Variants in FRMD6 observed in about 807,000 individuals in gnomAD.
FRMD6 encodes the protein FERM domain-containing protein 6.
In FRMD6, 37 loss-of-function variants were observed where a neutral mutation model predicts 73.2. The observed-to-expected ratio is 0.51, with a 90% CI of 0.39 to 0.66. FRMD6 has a LOEUF of 0.66. FRMD6 is among the 30% of genes least tolerant of loss of function. The pLI is 0.00. For missense variants in FRMD6, 714 were observed against 780.5 expected, an observed-to-expected ratio of 0.91 and a Z score of 1.02; for synonymous variants, 273 against 282.2, an observed-to-expected ratio of 0.97 and a Z score of 0.33.
intron 11 of FRMD6, among the ~76,000 whole-genome samples, chr14:51,721,441 C>A (rs1439925289): frequency 6.6e-6 from 1 of 152,136 alleles, no homozygotes; most frequent in Non-Finnish European, 1.5e-5. Context: ...GAAACCTCAT[C>A]TCTGCTAAAA....
At position 51,730,640 on chromosome 14, in the gene FRMD6, AAAG is replaced by A. The variant is rs1487660051; in HGVS notation, c.*2614_*2616del. On this transcript the variant is annotated 3_prime_UTR_variant, in exon 14 of 14. Transcript: ENST00000344768. ...TCAAGATGATACCAAAAGTATGTAA[AAAG>A]AAACCTGCATTATTTTGTAATTATT... 1 of 152,450 alleles carries A rather than the reference AAAG, an allele frequency of 6.6e-6. No homozygotes were observed. The highest frequency in any genetic ancestry group is 1.5e-5 in the Non-Finnish European group (1 of 68,032). 9.4% of individuals were successfully genotyped at this position (152,450 alleles called of 1,614,324 possible).
At chr14:51,721,753 A>AGGAAGGAGGGAAG (rs1555340786) in intron 11 of FRMD6, among the ~76,000 whole-genome samples, 196 bp from the exon 12 acceptor site, 4 of 108,788 alleles carry the variant, frequency 3.7e-5, no homozygotes, top group East Asian at 2.5e-4. Context: ...GAAGGGAGGA[A>AGGAAGGAGGGAAG]GGAAGGAGGG....
At chr14:51,489,936 A>G (rs1882899056) in intron 1 of FRMD6, among the ~76,000 whole-genome samples, 1 of 152,236 alleles carries the variant, frequency 6.6e-6, no homozygotes, top group Non-Finnish European at 1.5e-5. Context: ...AGTCTGGGAA[A>G]CATTAAGTAG....
At chr14:51,636,131 T>C (rs1040070373) in intron 2 of FRMD6, among the ~76,000 whole-genome samples, 4 of 152,096 alleles carry the variant, frequency 2.6e-5, no homozygotes, top group African/African-American at 9.7e-5. Flanking sequence ...CCTCAGGTGG[T>C]GGTGAGACAA....
chr14:51,655,486 AC>A (rs1192795782), intron 1 of FRMD6, among the ~76,000 whole-genome samples: 1 of 152,092 alleles, frequency 6.6e-6, no homozygotes, highest in African/African-American at 2.4e-5. Context: ...CTGTGGTTAA[AC>A]TTTTATACAG....
chr14:51,485,217 G>T (rs1035860310), upstream of FRMD6, among the ~76,000 whole-genome samples: 5 of 152,104 alleles, frequency 3.3e-5, no homozygotes, highest in Non-Finnish European at 5.9e-5. Flanking sequence ...TGCCTCCACG[G>T]CCTTTGCTCT....
chr14:51,649,910 C>A (rs911512474), upstream of FRMD6: 2 of 152,174 alleles, frequency 1.3e-5, no homozygotes, highest in African/African-American at 4.8e-5. Flanking sequence ...AGGCATGGGC[C>A]ACCATGCCCG....
chr14:51,707,075 T>G (rs1233582866), intron 6 of FRMD6, among the ~76,000 whole-genome samples: 2 of 152,110 alleles, frequency 1.3e-5, no homozygotes, highest in African/African-American at 4.8e-5. Flanking sequence ...GCCATCTGCT[T>G]TAGTGCCCTT....
chr14:51,502,457 TC>T (rs1332076838), intron 1 of FRMD6, among the ~76,000 whole-genome samples: 5 of 152,222 alleles, frequency 3.3e-5, no homozygotes, highest in Admixed American at 3.3e-4. Flanking sequence ...AAATAGGGAG[TC>T]TTTTCCCCAT....
chr14:51,427,914 A>G, the FRMD6 span, among the ~76,000 whole-genome samples: 1 of 152,234 alleles, frequency 6.6e-6, no homozygotes, highest in African/African-American at 2.4e-5. Context: ...CAAACAACGG[A>G]TGTACAATAC....
intron 2 of FRMD6, among the ~76,000 whole-genome samples, chr14:51,696,761 A>G (rs972549139): frequency 2.3e-4 from 35 of 150,026 alleles, no homozygotes; most frequent in African/African-American, 8.2e-4. Context: ...CAAAAAAAAA[A>G]AAAAGTCGAT....
chr14:51,659,881 T>C (rs976281221), intron 1 of FRMD6, among the ~76,000 whole-genome samples: 2 of 152,210 alleles, frequency 1.3e-5, no homozygotes, highest in South Asian at 2.1e-4. Flanking sequence ...TTTTCTGTTA[T>C]GAGGGCCAGA....
intron 2 of FRMD6, among the ~76,000 whole-genome samples, chr14:51,620,610 C>T (rs996963824): frequency 2.0e-5 from 3 of 152,190 alleles, no homozygotes; most frequent in African/African-American, 7.2e-5. Flanking sequence ...AAACCATCAT[C>T]TCTTGACCCC....
At chr14:51,642,537 C>T (rs1891861332) in intron 2 of FRMD6, among the ~76,000 whole-genome samples, 1 of 152,088 alleles carries the variant, frequency 6.6e-6, no homozygotes, top group Admixed American at 6.6e-5. Flanking sequence ...ACTCCATCTC[C>T]TAAGTAAATA....
At chr14:51,608,045 C>T (rs1441014741) in intron 2 of FRMD6, among the ~76,000 whole-genome samples, 2 of 113,772 alleles carry the variant, frequency 1.8e-5, no homozygotes, top group African/African-American at 5.6e-5. Flanking sequence ...CAGAAGAAAA[C>T]CATTATTCCC....
chr14:51,464,111 A>G, the FRMD6 span, among the ~76,000 whole-genome samples: 1 of 152,248 alleles, frequency 6.6e-6, no homozygotes, highest in African/African-American at 2.4e-5. Flanking sequence ...CACTGGTCTG[A>G]GGTTTTAAAG....
chr14:51,413,916 T>C, the FRMD6 span, among the ~76,000 whole-genome samples: 1 of 152,376 alleles, frequency 6.6e-6, no homozygotes, highest in Middle Eastern at 3.4e-3. Context: ...CCAGTAATGA[T>C]GAGCATTTTT....
chr14:51,668,341 C>G (rs753860214), intron 1 of FRMD6, among the ~76,000 whole-genome samples: 4 of 152,190 alleles, frequency 2.6e-5, no homozygotes, highest in Non-Finnish European at 5.9e-5. Context: ...AGAATCTACT[C>G]CTTTACCCAG....
intron 1 of FRMD6, among the ~76,000 whole-genome samples, chr14:51,670,514 T>G (rs1893928555): frequency 6.6e-6 from 1 of 152,240 alleles, no homozygotes; most frequent in African/African-American, 2.4e-5. Context: ...AGTTTTTATG[T>G]GTACTCATGT....
Sources: allele counts gnomAD v4.1 joint callset (sites outside exome capture counted in the v4.1 genomes callset), GRCh38; gene constraint gnomAD v4.1.1; transcripts MANE v1.5; gene names NCBI Gene and HGNC (gene_info 2026-07-23, HGNC 2026-07-21).